DMD: variants seen among roughly 807,000 people sequenced by gnomAD.
DMD encodes mutant dystrophin.
A neutral mutation model predicts 330.1 loss-of-function variants in DMD; 63 were observed. The ratio of observed to expected loss-of-function variants is 0.19; its 90% CI spans 0.16 to 0.24. The LOEUF (loss-of-function observed/expected upper bound fraction) is 0.24, where lower values mean the gene tolerates loss of function less well. Among genes scored for constraint, DMD ranks in the 10% least tolerant of loss-of-function variants. The pLI is 1.00. For synonymous variants in DMD, 1,223 were observed against 959.8 expected (o/e 1.27, Z -5.07); for missense variants, 3,344 against 2,684.1 (o/e 1.25, Z -5.43).
At chrX:31,850,403 T>A (rs2093502700) in intron 48 of DMD, among the ~76,000 whole-genome samples, 1 of 112,267 alleles carries the variant, frequency 8.9e-6, no homozygotes, top group African/African-American at 3.2e-5. Context: ...GTCAGTTCAT[T>A]ATTATTCATT....
rs761643594 is a variant in DMD at position 32,338,503 on chromosome X, C to G, written c.5922+3597G>C. On this transcript the variant is annotated intron_variant, in intron 41 of 78. Transcript: ENST00000357033. ...CACTTTATATAATGGCCTATTCTTA[C>G]TGGAAAAAAATCCATTTAATTTTTA... Among the ~76,000 whole-genome samples the G allele has an allele frequency of 1.7e-4, 19 of 110,977 alleles. No individual in the cohort carries two copies. The South Asian group carries it at 4.5e-3, about 26-fold the overall frequency.
intron 44 of DMD, among the ~76,000 whole-genome samples, chrX:32,013,377 G>A (rs1487640367): frequency 9.0e-6 from 1 of 111,088 alleles, no homozygotes; most frequent in African/African-American, 3.3e-5. Context: ...GAGCCACCGT[G>A]CCCAGCCAAT....
At chrX:31,875,158 CA>C in intron 48 of DMD, 29 bp downstream of exon 48, 2 of 1,164,095 alleles carry the variant, frequency 1.7e-6, no homozygotes, top group Admixed American at 2.4e-5. Flanking sequence ...TTAAAAAAGA[CA>C]AAAATATTTA....
At chrX:31,687,580 A>G (rs955094715) in intron 52 of DMD, among the ~76,000 whole-genome samples, 15 of 111,821 alleles carry the variant, frequency 1.3e-4, no homozygotes, top group Non-Finnish European at 1.3e-4. Context: ...CTGCCTTTTA[A>G]AAGGGCAAGG....
intron 43 of DMD, 97 bp downstream of exon 43, chrX:32,287,432 C>T: frequency 4.7e-6 from 4 of 842,392 alleles, no homozygotes; most frequent in Middle Eastern, 3.0e-4. Context: ...TTCTTTTTCC[C>T]TGTCTTTTTT....
intron 54 of DMD, among the ~76,000 whole-genome samples, chrX:31,635,022 G>A (rs1164525055): frequency 9.0e-6 from 1 of 111,169 alleles, no homozygotes; most frequent in Non-Finnish European, 1.9e-5. Context: ...GGTACTATTT[G>A]GAGAGGTTGA....
intron 1 of DMD, among the ~76,000 whole-genome samples, chrX:33,313,431 G>A (rs759238789): frequency 1.8e-5 from 2 of 111,590 alleles, no homozygotes. Context: ...CAAATTGTAC[G>A]TCGAGATTAT....
intron 47 of DMD, among the ~76,000 whole-genome samples, chrX:31,890,900 A>T (rs1334121566): frequency 2.7e-5 from 3 of 111,821 alleles, no homozygotes; most frequent in East Asian, 2.8e-4. Context: ...ATATAAATAT[A>T]AAAAAAATTT....
At chrX:31,299,871 T>C (rs1213725074) in intron 62 of DMD, among the ~76,000 whole-genome samples, 1 of 109,848 alleles carries the variant, frequency 9.1e-6, no homozygotes, top group Admixed American at 9.7e-5. Context: ...AAGTGCTGCA[T>C]ATGGTAAATA....
At chrX:32,523,217 C>G (rs1470257601) in intron 17 of DMD, among the ~76,000 whole-genome samples, 1 of 111,206 alleles carries the variant, frequency 9.0e-6, no homozygotes, top group Non-Finnish European at 1.9e-5. Context: ...CTAAAGAACA[C>G]TGGAAGGCCT....
At position 31,623,514 on chromosome X, in the gene DMD, T is replaced by C. The variant is rs1212383479; in HGVS notation, c.8217+4159A>G. ...CTTGACCTCGTGATCCGCCCGCCTCTGCCTCCCAAAGTGCTGGGATTACAG... is the reference window on the plus strand; with the variant it reads ...CTTGACCTCGTGATCCGCCCGCCTCCGCCTCCCAAAGTGCTGGGATTACAG... On this transcript the variant is annotated intron_variant, in intron 55 of 78. Coordinates refer to ENST00000357033, the MANE Select transcript of DMD (RefSeq NM_004006.3). Among the ~76,000 whole-genome samples the C allele has an allele frequency of 2.7e-5, 3 of 111,764 alleles. No homozygotes were observed. In the Admixed American group the frequency reaches 2.9e-4, roughly 11 times the overall value.
intron 2 of DMD, among the ~76,000 whole-genome samples, chrX:32,886,390 T>C (rs774675907): frequency 8.9e-4 from 99 of 110,979 alleles, no homozygotes; most frequent in Non-Finnish European, 1.6e-3. Flanking sequence ...CTTTAAAAAA[T>C]GTTAATATCC....
chrX:31,159,807 G>T (rs2038595539), intron 74 of DMD, among the ~76,000 whole-genome samples: 1 of 112,157 alleles, frequency 8.9e-6, no homozygotes, highest in African/African-American at 3.2e-5. Flanking sequence ...TTGATATACT[G>T]ATTATGCAAG....
chrX:31,211,553 G>A (rs1027872402), intron 64 of DMD, among the ~76,000 whole-genome samples: 1 of 112,131 alleles, frequency 8.9e-6, no homozygotes, highest in East Asian at 2.8e-4. Context: ...AAAATTTTTC[G>A]AATCACTTTT....
Position 33,314,290 on chromosome X carries a change from C to T in DMD, c.7+24969G>A, listed in dbSNP as rs12007593. Among the ~76,000 whole-genome samples the T allele has an allele frequency of 8.9e-3, 984 of 110,097 alleles. 16 individuals are homozygous for T. Among genetic ancestry groups the T allele is most frequent in the African/African-American group, 0.031 (940 of 30,235 alleles). On this transcript the variant is annotated intron_variant, in intron 1 of 17. Transcript: ENST00000288447. ...TTTTTTTGAGACAGAGTCTCAGTCACTCTGTCGCCCAGGCTGGAGTGTGGT... is the reference window on the plus strand; with the variant it reads ...TTTTTTTGAGACAGAGTCTCAGTCATTCTGTCGCCCAGGCTGGAGTGTGGT...
At chrX:31,942,970 C>T (rs1018847884) in intron 45 of DMD, among the ~76,000 whole-genome samples, 4 of 111,966 alleles carry the variant, frequency 3.6e-5, no homozygotes, top group Admixed American at 9.5e-5. Context: ...ATAAAATTAA[C>T]GAAATTCAAC....
intron 62 of DMD, among the ~76,000 whole-genome samples, chrX:31,289,155 T>C (rs2053461824): frequency 9.5e-6 from 1 of 105,585 alleles, no homozygotes; most frequent in South Asian, 4.3e-4. Context: ...GGCGGGTGCC[T>C]GTAATCCCAG....
chrX:31,298,390 AAC>A (rs760738765), intron 62 of DMD, among the ~76,000 whole-genome samples: 9 of 81,317 alleles, frequency 1.1e-4, no homozygotes, highest in South Asian at 4.8e-4. Flanking sequence ...TTAGAATTCA[AAC>A]ACACACACAC....
rs752129019 is a variant in DMD, at chrX:32,389,610, C to A, written c.4409G>T (p.Arg1470Leu). 1 of 1,208,832 alleles carries A rather than the reference C, an allele frequency of 8.3e-7. No individual in the cohort carries two copies. Among genetic ancestry groups the A allele is most frequent in the Non-Finnish European group, 1.1e-6 (1 of 894,581 alleles). The change falls in exon 32 of 79, where the codon CGT (arginine) becomes CTT (leucine). Residue 1470 changes from arginine (R) to leucine (L), a missense_variant. By Grantham distance (102) the Arg-to-Leu change is moderately radical. Transcript: ENST00000357033. ...LFQKPANFEQ[R>L]LQESKMILDE... ...TAAAATCATCTTACTTTCTTGTAGACGCTGCTCAAAATTGGCTGGTTTCTG... is the reference window on the plus strand; with the variant it reads ...TAAAATCATCTTACTTTCTTGTAGAAGCTGCTCAAAATTGGCTGGTTTCTG...
Sources: allele counts gnomAD v4.1 joint callset (sites outside exome capture counted in the v4.1 genomes callset), GRCh38; gene constraint gnomAD v4.1.1; transcripts MANE v1.5; gene names NCBI Gene and HGNC (gene_info 2026-07-23, HGNC 2026-07-21).